Variants in VAV3 observed in about 807,000 individuals in gnomAD.
VAV3 encodes the protein guanine nucleotide exchange factor VAV3.
Under a neutral mutation model 131.2 loss-of-function variants are expected in VAV3, and 94 were observed. The observed-to-expected ratio is 0.72, with a 90% confidence interval of 0.61 to 0.85. The LOEUF is 0.85. Among genes scored for constraint, VAV3 ranks in the 40% least tolerant of loss-of-function variants. VAV3 has a pLI of 0.00. For synonymous variants in VAV3, 349 were observed against 342.0 expected (o/e 1.02, Z -0.22); for missense variants, 939 against 1,002.7 (o/e 0.94, Z 0.86).
chr1:107,602,980 T>C lies in VAV3; in HGVS notation c.2132+67A>G, dbSNP rs1269640398. The C allele has an allele frequency of 3.1e-6, 4 of 1,301,900 alleles. No homozygotes were observed. The East Asian group carries it at 6.9e-5, about 23-fold the overall frequency. 80.6% of individuals were successfully genotyped at this position (1,301,900 alleles called of 1,614,324 possible). On this transcript the variant is annotated intron_variant, in intron 23 of 26. Transcript: ENST00000370056. ...TGGTTTTCACCTTCAGTGTTATACA[T>C]GTCAGATGGTCTATGCAATTATGAA... is the stretch of plus-strand genomic sequence containing the variant.
chr1:107,655,296 T>C (rs1656463250), intron 19 of VAV3, among the ~76,000 whole-genome samples: 1 of 151,990 alleles, frequency 6.6e-6, no homozygotes, highest in Non-Finnish European at 1.5e-5. Context: ...ATGGAACAGA[T>C]AGAAACTCAG....
chr1:107,908,509 T>C lies in VAV3; in HGVS notation c.205-33492A>G, dbSNP rs560271522. Among the ~76,000 whole-genome samples, 15 of 152,340 alleles carry C rather than the reference T, an allele frequency of 9.8e-5. No homozygotes were observed. The South Asian group carries it at 3.1e-3, about 32-fold the overall frequency. On this transcript the variant is annotated intron_variant, in intron 1 of 26. Transcript: ENST00000370056. ...AAATGATCTCTAGTATGTGAGATGA[T>C]AAGTGACCTTTTTATTCTTATTAAC...
intron 25 of VAV3, chr1:107,576,306 GTA>G: frequency 8.8e-7 from 1 of 1,135,250 alleles, no homozygotes. Flanking sequence ...AGATGTATCC[GTA>G]TGAGAAGCCA....
chr1:107,612,757 G>A (rs1652851223), intron 21 of VAV3, among the ~76,000 whole-genome samples: 1 of 152,014 alleles, frequency 6.6e-6, no homozygotes, highest in Non-Finnish European at 1.5e-5. Flanking sequence ...AGAATTTGAG[G>A]TTTCCTCTCT....
intron 1 of VAV3, among the ~76,000 whole-genome samples, chr1:107,887,460 A>G (rs1671090468): frequency 6.6e-6 from 1 of 152,256 alleles, no homozygotes; most frequent in African/African-American, 2.4e-5. Flanking sequence ...TGCCCAACAC[A>G]TAAAATCTGC....
chr1:107,623,048 G>C (rs2101283526), intron 20 of VAV3, among the ~76,000 whole-genome samples: 1 of 152,328 alleles, frequency 6.6e-6, no homozygotes, highest in South Asian at 2.1e-4. Context: ...TTGGTAAGGA[G>C]AGATTTTTAA....
chr1:107,954,682 A>G (rs1674716686), intron 1 of VAV3, among the ~76,000 whole-genome samples: 1 of 151,410 alleles, frequency 6.6e-6, no homozygotes, highest in Non-Finnish European at 1.5e-5. Context: ...ATATCTGACT[A>G]GTAAGGAGGT....
At chr1:107,852,367 T>C (rs1267381981) in intron 2 of VAV3, among the ~76,000 whole-genome samples, 4 of 152,108 alleles carry the variant, frequency 2.6e-5, no homozygotes, top group Admixed American at 6.5e-5. Context: ...GAAGACAAAG[T>C]CATTGCATAC....
chr1:107,818,717 A>G (rs1392352247), intron 2 of VAV3, among the ~76,000 whole-genome samples: 1 of 152,200 alleles, frequency 6.6e-6, no homozygotes. Context: ...TTAAGACTAT[A>G]TACATAAGTA....
intron 15 of VAV3, among the ~76,000 whole-genome samples, chr1:107,712,956 C>A (rs1028319887): frequency 1.3e-5 from 2 of 152,068 alleles, no homozygotes; most frequent in African/African-American, 4.8e-5. Flanking sequence ...AATTTCGGGA[C>A]AGAGGAAAAA....
At chr1:107,839,464 A>G (rs1668603589) in intron 2 of VAV3, among the ~76,000 whole-genome samples, 1 of 152,168 alleles carries the variant, frequency 6.6e-6, no homozygotes. Context: ...GAACTTTGAA[A>G]TATTTTAACT....
Position 107,810,837 on chromosome 1 carries a change from C to T in VAV3, c.322-31345G>A, listed in dbSNP as rs118191580. On this transcript the variant is annotated intron_variant, in intron 2 of 26. Transcript: ENST00000370056. ...AAATGGGTGAAAAACAGAAACAATA[C>T]GCGACAGGACCAGTTGTAAGGAAAG... 1.8e-4 allele frequency among the ~76,000 whole-genome samples: 27 copies of T among 151,556 alleles called. No homozygotes were observed. In the East Asian group the frequency reaches 3.5e-3, roughly 20 times the overall value.
intron 20 of VAV3, among the ~76,000 whole-genome samples, chr1:107,627,841 C>T (rs1442152623): frequency 6.6e-6 from 1 of 152,066 alleles, no homozygotes; most frequent in Non-Finnish European, 1.5e-5. Flanking sequence ...ATAAACAATT[C>T]CTTTTAAAAC....
At chr1:107,726,274 T>C (rs1009661848) in intron 15 of VAV3, among the ~76,000 whole-genome samples, 6 of 152,142 alleles carry the variant, frequency 3.9e-5, no homozygotes, top group African/African-American at 9.7e-5. Flanking sequence ...TCACAGAAGA[T>C]AAACAAATCA....
intron 20 of VAV3, among the ~76,000 whole-genome samples, chr1:107,634,890 C>G (rs2101432541): frequency 6.6e-6 from 1 of 152,112 alleles, no homozygotes; most frequent in Admixed American, 6.5e-5. Context: ...CACTTGCCAT[C>G]AGAGAAATGC....
intron 25 of VAV3, chr1:107,578,561 C>G (rs530372356): frequency 6.4e-6 from 1 of 155,418 alleles, no homozygotes; most frequent in African/African-American, 2.4e-5. Flanking sequence ...AGCCCTCATT[C>G]TAAACATTAC....
At chr1:107,889,132 AGTGTGTGTGTGTGTGTGTGT>A (rs5776903) in intron 1 of VAV3, among the ~76,000 whole-genome samples, 1 of 141,926 alleles carries the variant, frequency 7.0e-6, no homozygotes, top group African/African-American at 2.7e-5. Context: ...TCCTGTGTAG[AGTGTGTGTGTGTGTGTGTGT>A]GTGTGTGTGT....
At chr1:107,823,548 T>G (rs1667889091) in intron 2 of VAV3, among the ~76,000 whole-genome samples, 1 of 151,802 alleles carries the variant, frequency 6.6e-6, no homozygotes, top group African/African-American at 2.4e-5. Context: ...ACTCCAAATT[T>G]TAGAGATCAA....
intron 1 of VAV3, among the ~76,000 whole-genome samples, chr1:107,885,983 T>C (rs1571093224): frequency 1.3e-5 from 2 of 152,156 alleles, no homozygotes; most frequent in Non-Finnish European, 2.9e-5. Context: ...GATTCATATC[T>C]CCAAGGAAGT....
Sources: allele counts gnomAD v4.1 joint callset (sites outside exome capture counted in the v4.1 genomes callset), GRCh38; gene constraint gnomAD v4.1.1; transcripts MANE v1.5; gene names NCBI Gene and HGNC (gene_info 2026-07-23, HGNC 2026-07-21).